Variants in SCAMP2 observed in about 807,000 individuals in gnomAD.
SCAMP2 encodes secretory carrier-associated membrane protein 2.
A neutral mutation model predicts 44.1 loss-of-function variants in SCAMP2; 25 were observed. The observed-to-expected ratio is 0.57, with a 90% CI of 0.41 to 0.79. The LOEUF (loss-of-function observed/expected upper bound fraction) is 0.79, where lower values mean the gene tolerates loss of function less well. Among genes scored for constraint, SCAMP2 ranks in the 30% least tolerant of loss-of-function variants. The pLI, the probability that SCAMP2 is intolerant of heterozygous loss-of-function variation, is 0.00. For missense variants in SCAMP2, 355 were observed against 411.0 expected, an observed-to-expected ratio of 0.86 and a Z score of 1.18; for synonymous variants, 156 against 166.0, an observed-to-expected ratio of 0.94 and a Z score of 0.46.
intron 1 of SCAMP2, among the ~76,000 whole-genome samples, chr15:74,869,162 TAAAC>T (rs2141183154): frequency 6.6e-6 from 1 of 151,944 alleles, no homozygotes; most frequent in South Asian, 2.1e-4. Context: ...TCAAAAAACA[TAAAC>T]AAAGAAACAA....
chr15:74,851,020 C>T (rs187902887), intron 5 of SCAMP2, among the ~76,000 whole-genome samples: 237 of 152,300 alleles, frequency 1.6e-3, no homozygotes, highest in African/African-American at 5.5e-3. Flanking sequence ...CAGGGGGAGT[C>T]TCCTTCCTCA....
In SCAMP2 at chr15:74,873,325, T is replaced by C. The variant is rs2064590743; in HGVS notation, c.-70A>G. 4.4e-6 allele frequency: 6 copies of C among 1,374,208 alleles called. No homozygotes were observed. The highest frequency in any genetic ancestry group is 5.8e-6 in the Non-Finnish European group (6 of 1,038,894). The allele number at this position is 1,374,208 out of a possible 1,614,324, so 85.1% of individuals were successfully genotyped here. On this transcript the variant is annotated 5_prime_UTR_variant, in exon 1 of 9. Transcript: ENST00000268099. Reference sequence around the variant, plus strand: ...CCGGGCACCCAGACCCAGCGGCGCTTCGTGTAGACCCTCCACTTCCGGGAG... The same window carrying C: ...CCGGGCACCCAGACCCAGCGGCGCTCCGTGTAGACCCTCCACTTCCGGGAG...
At chr15:74,858,902 G>A (rs767179201) in intron 1 of SCAMP2, among the ~76,000 whole-genome samples, 1 of 143,082 alleles carries the variant, frequency 7.0e-6, no homozygotes, top group Non-Finnish European at 1.5e-5. Flanking sequence ...AAGCTCTCCC[G>A]GGTTCACACC....
At position 74,850,676 on chromosome 15, in the gene SCAMP2, G is replaced by A; in HGVS notation, c.473-3C>T. 6.2e-7 allele frequency: 1 copy of A among 1,613,866 alleles called. No individual in the cohort carries two copies. Among genetic ancestry groups the A allele is most frequent in the Non-Finnish European group, 8.5e-7 (1 of 1,179,890 alleles). On this transcript the variant is annotated splice_polypyrimidine_tract_variant and splice_region_variant and intron_variant, in intron 5 of 8. Coordinates refer to ENST00000268099, the MANE Select transcript of SCAMP2 (RefSeq NM_005697.5). ...CAGAAACAGAGTCACTGAATGCACTGGGGAAGGGGACAGGACAGAGTTATG... is the reference window on the plus strand; with the variant it reads ...CAGAAACAGAGTCACTGAATGCACTAGGGAAGGGGACAGGACAGAGTTATG...
intron 3 of SCAMP2, chr15:74,853,304 G>A (rs1567250698): frequency 2.3e-6 from 1 of 427,756 alleles, no homozygotes; most frequent in Non-Finnish European, 4.8e-6. Flanking sequence ...CTGGGGCCTG[G>A]GAGGGGTGTG....
chr15:74,857,216 C>T (rs1358277698), intron 1 of SCAMP2, among the ~76,000 whole-genome samples: 1 of 152,220 alleles, frequency 6.6e-6, no homozygotes, highest in African/African-American at 2.4e-5. Flanking sequence ...CCCCTTCCAA[C>T]CTCCTCTGCG....
intron 3 of SCAMP2, 53 bp from the exon 4 acceptor site, chr15:74,852,239 G>C: frequency 1.5e-6 from 2 of 1,300,026 alleles, no homozygotes; most frequent in Non-Finnish European, 2.0e-6. Context: ...AACAGAAACA[G>C]TGTCAGCCTG....
At chr15:74,861,001 C>T (rs2064499672) in intron 1 of SCAMP2, among the ~76,000 whole-genome samples, 1 of 151,878 alleles carries the variant, frequency 6.6e-6, no homozygotes, top group African/African-American at 2.4e-5. Context: ...AAGGTGAAAC[C>T]CCATCTCTCC....
chr15:74,852,204 G>T lies in SCAMP2; in HGVS notation c.226-18C>A, dbSNP rs1202750387. On this transcript the variant is annotated intron_variant, in intron 3 of 8. Coordinates refer to ENST00000268099, the MANE Select transcript of SCAMP2 (RefSeq NM_005697.5). ...ACCACGGCCTGGAGAGAACAGGGGA[G>T]GTACAGGGACAGCCAGACACAACAA... The T allele has an allele frequency of 6.8e-7, 1 of 1,462,670 alleles. No homozygotes were observed. The allele number at this position is 1,462,670 out of a possible 1,614,324, so 90.6% of individuals were successfully genotyped here.
intron 1 of SCAMP2, 33 bp from the exon 2 acceptor site, chr15:74,854,682 T>G: frequency 6.3e-7 from 1 of 1,578,232 alleles, no homozygotes; most frequent in South Asian, 1.2e-5. Context: ...TTAGACACAG[T>G]GGAGAAAATC....
rs1329047389 is a variant in SCAMP2, at chr15:74,845,564, T to C, written c.764A>G (p.Asp255Gly). ...GACTGATATGGCCAGGGAATGATTA[T>C]CCAGTGTAGACAGGGCTGCAATCCA... ...SGWIAALSTL[D>G]NHSLAISVIM... Residue 255 changes from aspartate (D) to glycine (G), a missense_variant, in exon 8 of 9, where the codon GAT becomes GGT. By Grantham distance (94) the Asp-to-Gly change is moderately conservative. Coordinates refer to ENST00000268099, the MANE Select transcript of SCAMP2 (RefSeq NM_005697.5). 6.2e-7 allele frequency: 1 copy of C among 1,614,062 alleles called. No homozygotes were observed. Among genetic ancestry groups the C allele is most frequent in the East Asian group, 2.2e-5 (1 of 44,882 alleles).
chr15:74,855,241 C>T (rs2064461330), intron 1 of SCAMP2, among the ~76,000 whole-genome samples: 1 of 151,850 alleles, frequency 6.6e-6, no homozygotes, highest in African/African-American at 2.4e-5. Context: ...GTAGCTGGGA[C>T]TACAGGCGGC....
At chr15:74,862,263 C>A (rs1417730028) in intron 1 of SCAMP2, among the ~76,000 whole-genome samples, 117 of 15,420 alleles carry the variant, frequency 7.6e-3, no homozygotes, top group South Asian at 0.015. Context: ...ACTCTGTCTC[C>A]AAAAAAAAAA....
intron 1 of SCAMP2, among the ~76,000 whole-genome samples, chr15:74,865,950 C>CGAAGGAAGGAAGGAAGGAAGGAAG (rs1173545052): frequency 6.8e-4 from 25 of 36,524 alleles, no homozygotes; most frequent in Admixed American, 9.1e-4. Flanking sequence ...GACTCTGTCT[C>CGAAGGAAGGAAGGAAGGAAGGAAG]GAAGGAAGGA....
chr15:74,853,479 G>A, intron 3 of SCAMP2: 3 of 456,466 alleles, frequency 6.6e-6, no homozygotes, highest in South Asian at 4.6e-5. Flanking sequence ...GGAACTTGCT[G>A]GCCTGTCTAA....
chr15:74,844,749 C>G lies in SCAMP2; in HGVS notation c.*334G>C. 9.5e-6 allele frequency: 2 copies of G among 210,868 alleles called. No individual in the cohort carries two copies. The highest frequency in any genetic ancestry group is 1.9e-5 in the Non-Finnish European group (2 of 103,734). 13.1% of individuals were successfully genotyped at this position (210,868 alleles called of 1,614,324 possible). On this transcript the variant is annotated 3_prime_UTR_variant, in exon 9 of 9. Coordinates refer to ENST00000268099, the MANE Select transcript of SCAMP2 (RefSeq NM_005697.5). ...CAGAAAGCTCCAGCTGGGATGGGCC[C>G]AGGTCAGCCTGTGATCCCAACTGTG...
At chr15:74,869,776 G>A (rs574843130) in intron 1 of SCAMP2, among the ~76,000 whole-genome samples, 14 of 152,060 alleles carry the variant, frequency 9.2e-5, no homozygotes, top group African/African-American at 2.2e-4. Flanking sequence ...ACTGCATGAC[G>A]GAAATAAAAA....
chr15:74,873,096 C>A (rs1490073759), intron 1 of SCAMP2, 103 bp downstream of exon 1: 1 of 1,044,670 alleles, frequency 9.6e-7, no homozygotes, highest in African/African-American at 1.7e-5. Context: ...GGCAGATGAC[C>A]CGTCCCTCCT....
At chr15:74,855,591 C>CT (rs1050784765) in intron 1 of SCAMP2, among the ~76,000 whole-genome samples, 1 of 151,878 alleles carries the variant, frequency 6.6e-6, no homozygotes, top group Non-Finnish European at 1.5e-5. Flanking sequence ...TGGCGCATGC[C>CT]TGTAATCCCA....
Sources: gnomAD v4.1 joint callset for allele counts (sites outside exome capture counted in the v4.1 genomes callset) on GRCh38, gnomAD v4.1.1 for gene constraint, MANE v1.5 for transcripts, NCBI Gene and HGNC (gene_info 2026-07-23, HGNC 2026-07-21) for gene names.